KLHL4: variants seen among roughly 807,000 people sequenced by gnomAD.
KLHL4 encodes kelch like family member 4, also known as kelch-like protein 4.
A neutral mutation model predicts 45.8 loss-of-function variants in KLHL4; 17 were observed. The observed-to-expected ratio is 0.37, with a 90% CI of 0.25 to 0.56. KLHL4 has a LOEUF of 0.56. KLHL4 is among the 20% of genes least tolerant of loss of function. KLHL4 has a pLI of 0.79. For missense variants in KLHL4, 544 were observed against 544.9 expected, an observed-to-expected ratio of 1.00 and a Z score of 0.02; for synonymous variants, 224 against 189.9, an observed-to-expected ratio of 1.18 and a Z score of -1.47.
chrX:87,618,712 G>A (rs974311857), intron 4 of KLHL4, among the ~76,000 whole-genome samples: 3 of 110,805 alleles, frequency 2.7e-5, no homozygotes, highest in African/African-American at 9.9e-5. Context: ...TATTGGCCAG[G>A]CTGGTCTCGA....
In KLHL4 at chrX:87,667,870, G is replaced by A. The variant is rs1022660009; in HGVS notation, c.*1336G>A. 4.2e-5 allele frequency: 28 copies of A among 669,862 alleles called. No homozygotes were observed. Among genetic ancestry groups the A allele is most frequent in the South Asian group, 7.7e-5 (1 of 12,924 alleles). 55.2% of individuals were successfully genotyped at this position (669,862 alleles called of 1,213,427 possible). ...CTTTTAAGTTTTAAGAAAGAAGAAC[G>A]TAAGTTGTACAAAGATATTTGTACT... On this transcript the variant is annotated 3_prime_UTR_variant, in exon 11 of 11. Transcript: ENST00000373119.
chrX:87,649,199 C>T (rs774926562), intron 9 of KLHL4, among the ~76,000 whole-genome samples: 6 of 111,577 alleles, frequency 5.4e-5, no homozygotes, highest in East Asian at 2.8e-4. Flanking sequence ...TTTACCTCTC[C>T]GCAGCCACTG....
Position 87,668,472 on chromosome X carries a change from T to G in KLHL4, c.*1938T>G. ...CATGTATGTTTCCCGGGGCTACCCC[T>G]TCATAGCTGCATTTAAAAATGGTGT... On this transcript the variant is annotated 3_prime_UTR_variant, in exon 11 of 11. Transcript: ENST00000373119. The G allele has an allele frequency of 2.7e-6, 2 of 753,915 alleles. No homozygotes were observed. Among genetic ancestry groups the G allele is most frequent in the South Asian group, 6.7e-5 (1 of 14,843 alleles). 62.1% of individuals were successfully genotyped at this position (753,915 alleles called of 1,213,427 possible).
At chrX:87,626,651 T>TAAAA (rs141379060) in intron 6 of KLHL4, among the ~76,000 whole-genome samples, 2 of 100,472 alleles carry the variant, frequency 2.0e-5, no homozygotes, top group Non-Finnish European at 4.0e-5. Context: ...TATGTAGCTT[T>TAAAA]AAAAAAAAAA....
chrX:87,625,550 A>C, intron 5 of KLHL4, 60 bp from the exon 6 acceptor site: 1 of 995,895 alleles, frequency 1.0e-6, no homozygotes, highest in Non-Finnish European at 1.4e-6. Flanking sequence ...ATATAAATAC[A>C]AATACGTTCT....
At chrX:87,577,060 T>A (rs1337983280) in intron 1 of KLHL4, among the ~76,000 whole-genome samples, 1 of 112,136 alleles carries the variant, frequency 8.9e-6, no homozygotes, top group East Asian at 2.8e-4. Context: ...TAAGTCACTT[T>A]ACATTGAAAT....
At chrX:87,519,399 C>G (rs1402772187) in intron 1 of KLHL4, among the ~76,000 whole-genome samples, 1 of 111,869 alleles carries the variant, frequency 8.9e-6, no homozygotes, top group Non-Finnish European at 1.9e-5. Context: ...AACAACCTCA[C>G]AGTGTCTTGC....
chrX:87,663,638 A>C lies in KLHL4; in HGVS notation c.1926-1126A>C, dbSNP rs73513719. Among the ~76,000 whole-genome samples, 883 of 112,512 alleles carry C rather than the reference A, an allele frequency of 7.8e-3. 9 individuals carry two copies. Among genetic ancestry groups the C allele is most frequent in the African/African-American group, 0.027 (851 of 31,012 alleles). On this transcript the variant is annotated intron_variant, in intron 9 of 10. Coordinates refer to ENST00000373119, the MANE Select transcript of KLHL4 (RefSeq NM_019117.5). Reference sequence around the variant, plus strand: ...CAGCTGAGTGAAGCATCAATTAACAATAGCAATTGTTTTGAAGATTTGGCT... The same window carrying C: ...CAGCTGAGTGAAGCATCAATTAACACTAGCAATTGTTTTGAAGATTTGGCT...
chrX:87,535,917 T>C (rs758524816), intron 1 of KLHL4, among the ~76,000 whole-genome samples: 1 of 110,074 alleles, frequency 9.1e-6, no homozygotes, highest in African/African-American at 3.3e-5. Context: ...TCTCCAACCA[T>C]GTGCGGTGCC....
At chrX:87,623,286 T>TTC (rs1922815095) in intron 5 of KLHL4, among the ~76,000 whole-genome samples, 1 of 90,341 alleles carries the variant, frequency 1.1e-5, no homozygotes, top group Non-Finnish European at 2.2e-5. Context: ...TTTTCCTTTT[T>TTC]TCTTTTTTTT....
intron 1 of KLHL4, among the ~76,000 whole-genome samples, chrX:87,568,211 T>TA (rs1181008288): frequency 9.2e-6 from 1 of 109,002 alleles, no homozygotes; most frequent in Non-Finnish European, 1.9e-5. Flanking sequence ...GTTATTATAA[T>TA]AAAAAATGCA....
Position 87,550,633 on chromosome X carries a change from C to T in KLHL4, c.422+32318C>T, listed in dbSNP as rs1252448781. The stretch of plus-strand genomic sequence containing the variant: ...CAAAATAGTAGCTAACTGAATGCAA[C>T]AAAATATCGAAAAAAAATCCACCAT... On this transcript the variant is annotated intron_variant, in intron 1 of 10. Coordinates refer to ENST00000373119, the MANE Select transcript of KLHL4 (RefSeq NM_019117.5). Among the ~76,000 whole-genome samples, 20 of 110,830 alleles carry T rather than the reference C, an allele frequency of 1.8e-4. No individual in the cohort carries two copies. The Admixed American group carries it at 1.9e-3, about 11-fold the overall frequency.
At chrX:87,630,404 A>G (rs773242483) in intron 6 of KLHL4, among the ~76,000 whole-genome samples, 1 of 110,449 alleles carries the variant, frequency 9.1e-6, no homozygotes, top group South Asian at 3.8e-4. Context: ...TTTAAGTTTT[A>G]GGGTACATGT....
At chrX:87,616,584 C>A (rs973694125) in intron 3 of KLHL4, among the ~76,000 whole-genome samples, 1 of 111,681 alleles carries the variant, frequency 9.0e-6, no homozygotes, top group Non-Finnish European at 1.9e-5. Context: ...AAACTTGAAG[C>A]AGCTCCAAAC....
At chrX:87,595,801 G>A (rs774908936) in intron 1 of KLHL4, among the ~76,000 whole-genome samples, 36 of 111,181 alleles carry the variant, frequency 3.2e-4, no homozygotes, top group African/African-American at 1.1e-3. Flanking sequence ...GTGAATAATA[G>A]CTAATTATAA....
At chrX:87,622,828 C>T (rs1268765251) in intron 5 of KLHL4, among the ~76,000 whole-genome samples, 4 of 110,800 alleles carry the variant, frequency 3.6e-5, no homozygotes, top group East Asian at 2.8e-4. Flanking sequence ...TAATATTATC[C>T]GCTACGATCA....
At chrX:87,528,406 A>G (rs1448535137) in intron 1 of KLHL4, among the ~76,000 whole-genome samples, 1 of 111,146 alleles carries the variant, frequency 9.0e-6, no homozygotes, top group Non-Finnish European at 1.9e-5. Flanking sequence ...ACCATTAAAT[A>G]AAGAAACTCA....
At chrX:87,628,655 C>T (rs1348791308) in intron 6 of KLHL4, among the ~76,000 whole-genome samples, 1 of 111,401 alleles carries the variant, frequency 9.0e-6, no homozygotes, top group Non-Finnish European at 1.9e-5. Flanking sequence ...CAGAAATCAC[C>T]ACCAAAGAAC....
At position 87,635,609 on chromosome X, in the gene KLHL4, A is replaced by G; in HGVS notation, c.1759A>G (p.Met587Val). The G allele has an allele frequency of 3.3e-6, 4 of 1,211,164 alleles. No homozygotes were observed. The highest frequency in any genetic ancestry group is 1.8e-5 in the South Asian group (1 of 56,952). ...TGATGGAAGTTCCTGCCTCAAATCA[A>G]TGGAATACTTTGACCCACACACTAA... The part of the protein sequence containing the change: ...GRDGSSCLKS[M>V]EYFDPHTNKW... The change falls in exon 9 of 11, where the codon ATG becomes GTG. Residue 587 changes from methionine to valine, a missense_variant. Coordinates refer to ENST00000373119, the MANE Select transcript of KLHL4 (RefSeq NM_019117.5).
Sources: allele counts gnomAD v4.1 joint callset (sites outside exome capture counted in the v4.1 genomes callset), GRCh38; gene constraint gnomAD v4.1.1; transcripts MANE v1.5; gene names NCBI Gene and HGNC (gene_info 2026-07-23, HGNC 2026-07-21).